Variants in SLC35A3 observed in about 807,000 individuals in gnomAD.
The protein encoded by SLC35A3 is UDP-N-acetylglucosamine transporter.
SLC35A3 carries 26 observed loss-of-function variants against 39.0 expected under a neutral mutation model. The observed-to-expected ratio is 0.67, with a 90% confidence interval of 0.49 to 0.92. SLC35A3 has a LOEUF of 0.92. SLC35A3 is among the 40% of genes least tolerant of loss of function. SLC35A3 has a pLI of 0.00. For synonymous variants in SLC35A3, 135 were observed against 133.1 expected, an observed-to-expected ratio of 1.01 and a Z score of -0.10; for missense variants, 299 against 371.6, an observed-to-expected ratio of 0.80 and a Z score of 1.61.
At chr1:100,004,124 T>C (rs1490217053) in intron 3 of SLC35A3, among the ~76,000 whole-genome samples, 1 of 152,232 alleles carries the variant, frequency 6.6e-6, no homozygotes, top group East Asian at 1.9e-4. Flanking sequence ...ACAGTTATTA[T>C]TGGTACATGG....
chr1:100,008,746 G>A (rs550127887), intron 4 of SLC35A3: 1 of 152,200 alleles, frequency 6.6e-6, no homozygotes, highest in East Asian at 1.9e-4. Context: ...AACATCACAG[G>A]CATAACATTT....
At chr1:99,973,699 A>G (rs953774285) in intron 1 of SLC35A3, among the ~76,000 whole-genome samples, 2 of 152,210 alleles carry the variant, frequency 1.3e-5, no homozygotes, top group African/African-American at 4.8e-5. Context: ...GTCAGGAAGC[A>G]TAGTGGAAAT....
chr1:100,001,590 T>A (rs1481921347), intron 3 of SLC35A3, among the ~76,000 whole-genome samples: 1 of 152,024 alleles, frequency 6.6e-6, no homozygotes, highest in Non-Finnish European at 1.5e-5. Context: ...GCTCTAAGAG[T>A]TTTTTTAATG....
intron 4 of SLC35A3, chr1:100,007,878 C>T (rs1313530007): frequency 6.6e-6 from 1 of 151,302 alleles, no homozygotes; most frequent in South Asian, 2.1e-4. Flanking sequence ...TTTTTTAATA[C>T]TTATATCCTG....
chr1:99,991,106 G>C (rs1230747391), intron 1 of SLC35A3, among the ~76,000 whole-genome samples: 2 of 152,140 alleles, frequency 1.3e-5, no homozygotes, highest in African/African-American at 2.4e-5. Flanking sequence ...ACTATATTCT[G>C]TTCCATTGAT....
chr1:100,004,683 T>G (rs1296812075), intron 3 of SLC35A3, among the ~76,000 whole-genome samples: 1 of 152,026 alleles, frequency 6.6e-6, no homozygotes, highest in African/African-American at 2.4e-5. Flanking sequence ...TTTAAAAAAT[T>G]TATTTACCTA....
chr1:99,987,894 C>T (rs1387465272), intron 1 of SLC35A3, among the ~76,000 whole-genome samples: 1 of 152,072 alleles, frequency 6.6e-6, no homozygotes, highest in African/African-American at 2.4e-5. Context: ...TAGAATTAAT[C>T]CAAATAAATC....
chr1:99,984,056 C>T (rs975562394), intron 1 of SLC35A3, among the ~76,000 whole-genome samples: 6 of 152,130 alleles, frequency 3.9e-5, no homozygotes, highest in Admixed American at 1.3e-4. Context: ...AATCATTACA[C>T]ATCATATACA....
chr1:99,970,493 G>T, intron 1 of SLC35A3: 1 of 1,413,250 alleles, frequency 7.1e-7, no homozygotes, highest in Middle Eastern at 2.2e-4. Context: ...AGCTAGTGAC[G>T]GGTGGGCCCG....
At chr1:99,995,289 A>G (rs970523381) in intron 2 of SLC35A3, among the ~76,000 whole-genome samples, 2 of 151,762 alleles carry the variant, frequency 1.3e-5, no homozygotes, top group African/African-American at 4.8e-5. Flanking sequence ...AGTAGCTGTG[A>G]TTACAGGTGC....
At chr1:100,000,484 T>A (rs996847370) in intron 3 of SLC35A3, among the ~76,000 whole-genome samples, 1 of 152,170 alleles carries the variant, frequency 6.6e-6, no homozygotes, top group African/African-American at 2.4e-5. Flanking sequence ...TCTTGTCACA[T>A]GATTAGTGCA....
At chr1:99,970,662 A>C (rs1557814725) in intron 1 of SLC35A3, 5 of 1,516,332 alleles carry the variant, frequency 3.3e-6, no homozygotes, top group Non-Finnish European at 4.4e-6. Flanking sequence ...TAGTAAGAAC[A>C]CAAGGACTGT....
chr1:100,024,138 A>G lies in SLC35A3; in HGVS notation c.*1662A>G, dbSNP rs545336167. 9 of 150,914 alleles carry G rather than the reference A, an allele frequency of 6.0e-5. No individual in the cohort carries two copies. The highest frequency in any genetic ancestry group is 1.7e-4 in the African/African-American group (7 of 40,456). 9.3% of individuals were successfully genotyped at this position (150,914 alleles called of 1,614,324 possible). A position where few individuals can be genotyped will look rare whatever the true frequency, so the allele number is the denominator to read the frequency against. On this transcript the variant is annotated 3_prime_UTR_variant, in exon 8 of 8. Coordinates refer to ENST00000533028, the MANE Select transcript of SLC35A3 (RefSeq NM_012243.3). Reference sequence around the variant, plus strand: ...CATGAGTTATTTAATAAGTTGATTCAAGAGAGAGAGAGTATATTAGAAATG... The same window carrying G: ...CATGAGTTATTTAATAAGTTGATTCGAGAGAGAGAGAGTATATTAGAAATG...
intron 1 of SLC35A3, among the ~76,000 whole-genome samples, chr1:99,983,833 G>C (rs58867109): frequency 0.031 from 4,758 of 152,162 alleles, 268 homozygotes; most frequent in African/African-American, 0.11. Context: ...ATGTTGGCCA[G>C]GCTGGTCTCA....
intron 1 of SLC35A3, chr1:99,970,531 C>G: frequency 6.5e-7 from 1 of 1,533,828 alleles, no homozygotes; most frequent in African/African-American, 1.4e-5. Flanking sequence ...CTTCAGTGAA[C>G]ATCCCATGAG....
chr1:99,991,431 A>G (rs1320800631), intron 1 of SLC35A3, among the ~76,000 whole-genome samples: 1 of 152,216 alleles, frequency 6.6e-6, no homozygotes. Context: ...GGCGTGAGCC[A>G]CCGCGCCCAG....
chr1:99,991,675 A>T (rs142000735), intron 1 of SLC35A3, among the ~76,000 whole-genome samples: 1,597 of 152,292 alleles, frequency 0.01, 15 homozygotes, highest in Middle Eastern at 0.058. Context: ...AAAGGATGTG[A>T]TCATCACTAG....
At chr1:100,001,029 T>C (rs1658752773) in intron 3 of SLC35A3, among the ~76,000 whole-genome samples, 1 of 152,128 alleles carries the variant, frequency 6.6e-6, no homozygotes. Context: ...AACATGTAAA[T>C]GTATTTTGGG....
rs1390537078 is a variant in SLC35A3 at position 100,025,962 on chromosome 1, A to G, written c.*3486A>G. On this transcript the variant is annotated 3_prime_UTR_variant, in exon 8 of 8. Coordinates refer to ENST00000533028, the MANE Select transcript of SLC35A3 (RefSeq NM_012243.3). ...TATATTATCAGTTCTTTAGTAAGTGATTTTAGAGATGTTGTAGGCTACTTT... is the reference window on the plus strand; with the variant it reads ...TATATTATCAGTTCTTTAGTAAGTGGTTTTAGAGATGTTGTAGGCTACTTT... 6.6e-6 allele frequency: 1 copy of G among 152,174 alleles called. No homozygotes were observed. The highest frequency in any genetic ancestry group is 1.5e-5 in the Non-Finnish European group (1 of 68,012). The allele number at this position is 152,174 out of a possible 1,614,324, so 9.4% of individuals were successfully genotyped here.
Sources: allele counts gnomAD v4.1 joint callset (sites outside exome capture counted in the v4.1 genomes callset), GRCh38; gene constraint gnomAD v4.1.1; transcripts MANE v1.5; gene names NCBI Gene and HGNC (gene_info 2026-07-23, HGNC 2026-07-21).